LRRC7: variants seen among roughly 807,000 people sequenced by gnomAD.
LRRC7 encodes leucine-rich repeat-containing protein 7.
LRRC7 carries 23 observed loss-of-function variants against 175.7 expected under a neutral mutation model. That is an observed-to-expected ratio of 0.13 (90% CI 0.09 to 0.19). LRRC7 has a LOEUF of 0.19. Among genes scored for constraint, LRRC7 ranks in the 10% least tolerant of loss-of-function variants. The pLI is 1.00. For missense variants in LRRC7, 1,354 were observed against 1,904.7 expected, an observed-to-expected ratio of 0.71 and a Z score of 5.38; for synonymous variants, 685 against 680.9, an observed-to-expected ratio of 1.01 and a Z score of -0.09.
At chr1:69,992,028 G>A (rs1654489926) in intron 10 of LRRC7, among the ~76,000 whole-genome samples, 1 of 152,096 alleles carries the variant, frequency 6.6e-6, no homozygotes, top group African/African-American at 2.4e-5. Context: ...GGGCTTTATA[G>A]TTAGGTTACT....
At chr1:69,717,092 T>C (rs772012814) in intron 2 of LRRC7, among the ~76,000 whole-genome samples, 1 of 151,548 alleles carries the variant, frequency 6.6e-6, no homozygotes, top group Non-Finnish European at 1.5e-5. Flanking sequence ...TTTTTCAAGA[T>C]AGAACTTAAT....
At chr1:69,572,615 C>G (rs1645782941) in intron 1 of LRRC7, among the ~76,000 whole-genome samples, 1 of 151,976 alleles carries the variant, frequency 6.6e-6, no homozygotes, top group Non-Finnish European at 1.5e-5. Flanking sequence ...TTTATAGAAA[C>G]AACTGTAGAG....
intron 7 of LRRC7, among the ~76,000 whole-genome samples, chr1:69,890,706 GT>G (rs1265238357): frequency 1.3e-5 from 2 of 152,274 alleles, no homozygotes; most frequent in East Asian, 3.9e-4. Flanking sequence ...TTGAAAACCT[GT>G]TTTTTATTGT....
Position 70,136,767 on chromosome 1 carries a change from T to C in LRRC7, c.*14880T>C. 6.9e-6 allele frequency among the ~76,000 whole-genome samples: 1 copy of C among 145,778 alleles called. No homozygotes were observed. The highest frequency in any genetic ancestry group is 2.3e-4 in the South Asian group (1 of 4,378). ...TTTTCTGAGACAGGGTCTTGCTCTG[T>C]CACCCAGGTTGGAGTGCAGTGGCAT... is the stretch of plus-strand genomic sequence containing the variant. On this transcript the variant is annotated 3_prime_UTR_variant, in exon 27 of 27. Transcript: ENST00000651989.
chr1:69,574,567 G>A (rs1645867848), intron 1 of LRRC7, among the ~76,000 whole-genome samples: 1 of 152,128 alleles, frequency 6.6e-6, no homozygotes, highest in South Asian at 2.1e-4. Context: ...GTAGGTAATG[G>A]ACACAAAGCT....
At chr1:69,730,802 T>A (rs1667487293) in intron 2 of LRRC7, among the ~76,000 whole-genome samples, 1 of 152,284 alleles carries the variant, frequency 6.6e-6, no homozygotes, top group East Asian at 1.9e-4. Context: ...GCCAATTTAC[T>A]GTATTAGTCT....
chr1:70,001,622 C>T (rs141986150), intron 11 of LRRC7, among the ~76,000 whole-genome samples: 3 of 152,140 alleles, frequency 2.0e-5, no homozygotes, highest in East Asian at 1.9e-4. Context: ...ATTCTGCACA[C>T]GGAATATTTC....
At chr1:69,569,812 C>A (rs1282908867) in intron 1 of LRRC7, among the ~76,000 whole-genome samples, 1 of 148,408 alleles carries the variant, frequency 6.7e-6, no homozygotes, top group Non-Finnish European at 1.5e-5. Context: ...AGAGAAGAGA[C>A]GGGGTCACTT....
At chr1:69,758,603 C>A (rs1039441701) in intron 2 of LRRC7, among the ~76,000 whole-genome samples, 1 of 151,946 alleles carries the variant, frequency 6.6e-6, no homozygotes, top group Non-Finnish European at 1.5e-5. Flanking sequence ...TATTTCATCA[C>A]CCAGATAATG....
intron 25 of LRRC7, among the ~76,000 whole-genome samples, chr1:70,092,626 A>G (rs1664112692): frequency 6.6e-6 from 1 of 152,106 alleles, no homozygotes. Context: ...ATAGCATCCA[A>G]AACGATTACA....
chr1:69,597,439 C>A (rs79921217), intron 1 of LRRC7, among the ~76,000 whole-genome samples: 11,077 of 152,104 alleles, frequency 0.073, 644 homozygotes, highest in African/African-American at 0.16. Flanking sequence ...AAATAAAAAA[C>A]CAATAAATAG....
chr1:69,774,052 A>C (rs1225827155), intron 3 of LRRC7, among the ~76,000 whole-genome samples: 1 of 152,154 alleles, frequency 6.6e-6, no homozygotes, highest in Non-Finnish European at 1.5e-5. Context: ...AAGGAGCAAA[A>C]TGGGTCACAG....
At chr1:69,724,135 T>G (rs1201590992) in intron 2 of LRRC7, among the ~76,000 whole-genome samples, 2 of 152,226 alleles carry the variant, frequency 1.3e-5, no homozygotes, top group Non-Finnish European at 2.9e-5. Flanking sequence ...CATTTTTCAT[T>G]GCTTCTTTTT....
At chr1:69,905,324 G>A (rs1209565415) in intron 7 of LRRC7, among the ~76,000 whole-genome samples, 1 of 151,908 alleles carries the variant, frequency 6.6e-6, no homozygotes, top group East Asian at 1.9e-4. Flanking sequence ...TGTTACATAT[G>A]TATACATGTG....
chr1:69,644,249 G>T (rs1044691631), intron 1 of LRRC7, among the ~76,000 whole-genome samples: 2 of 151,846 alleles, frequency 1.3e-5, no homozygotes, highest in African/African-American at 4.8e-5. Flanking sequence ...CCAAGAGAGA[G>T]ATATTGTGTT....
chr1:69,785,365 T>C (rs1209416897), intron 3 of LRRC7, among the ~76,000 whole-genome samples: 4 of 152,128 alleles, frequency 2.6e-5, no homozygotes, highest in African/African-American at 7.2e-5. Context: ...ATTTTGACAG[T>C]TTTACAACTT....
chr1:69,739,480 G>A (rs1668477694), intron 2 of LRRC7, among the ~76,000 whole-genome samples: 1 of 152,084 alleles, frequency 6.6e-6, no homozygotes, highest in Non-Finnish European at 1.5e-5. Context: ...AGCCTGTTTA[G>A]CAGCTGTAGG....
At chr1:69,626,730 C>G (rs181160214) in intron 1 of LRRC7, among the ~76,000 whole-genome samples, 1,706 of 121,640 alleles carry the variant, frequency 0.014, 20 homozygotes, top group Admixed American at 0.022. Flanking sequence ...TCTCCTCCGC[C>G]CCCCCATGAC....
intron 3 of LRRC7, among the ~76,000 whole-genome samples, chr1:69,776,141 G>A (rs1354725785): frequency 3.3e-5 from 5 of 152,036 alleles, no homozygotes; most frequent in Non-Finnish European, 4.4e-5. Context: ...TCTCTCCTAT[G>A]TAAACTGGAG....
Sources: gnomAD v4.1 joint callset for allele counts (sites outside exome capture counted in the v4.1 genomes callset) on GRCh38, gnomAD v4.1.1 for gene constraint, MANE v1.5 for transcripts, NCBI Gene and HGNC (gene_info 2026-07-23, HGNC 2026-07-21) for gene names.